The following NRXN1 variants were observed in gnomAD, a reference collection of about 807,000 sequenced individuals.
The protein encoded by NRXN1 is neurexin 1.
In NRXN1, 39 loss-of-function variants were observed where a neutral mutation model predicts 150.9. The observed-to-expected ratio is 0.26, with a 90% CI of 0.20 to 0.34. NRXN1 has a LOEUF of 0.34. Ranked by LOEUF, NRXN1 falls within the 10% of genes least tolerant of loss-of-function variation. The pLI, the probability that NRXN1 is intolerant of heterozygous loss-of-function variation, is 1.00. For missense variants in NRXN1, 1,815 were observed against 1,949.9 expected (o/e 0.93, Z 1.30); for synonymous variants, 924 against 757.0 (o/e 1.22, Z -3.62).
intron 19 of NRXN1, among the ~76,000 whole-genome samples, chr2:50,082,052 A>G (rs1158074910): frequency 6.6e-6 from 1 of 152,196 alleles, no homozygotes; most frequent in Non-Finnish European, 1.5e-5. Context: ...AATACTCTTT[A>G]ATATGTCATT....
At chr2:50,079,549 T>C (rs1457427411) in intron 19 of NRXN1, among the ~76,000 whole-genome samples, 1 of 152,100 alleles carries the variant, frequency 6.6e-6, no homozygotes, top group African/African-American at 2.4e-5. Flanking sequence ...CCAAAATGTA[T>C]TTAATTGTTA....
chr2:50,960,662 G>A (rs987409481), intron 2 of NRXN1, among the ~76,000 whole-genome samples: 2 of 151,824 alleles, frequency 1.3e-5, no homozygotes, highest in South Asian at 2.1e-4. Context: ...CTTCTCAGGC[G>A]TGAACTTGCA....
intron 17 of NRXN1, among the ~76,000 whole-genome samples, chr2:50,450,888 C>T (rs2086895474): frequency 6.6e-6 from 1 of 152,182 alleles, no homozygotes. Context: ...TGAAAAGTTA[C>T]TTTCACTAGC....
chr2:50,748,609 G>A (rs1700254404), intron 5 of NRXN1, among the ~76,000 whole-genome samples: 1 of 151,952 alleles, frequency 6.6e-6, no homozygotes, highest in South Asian at 2.1e-4. Flanking sequence ...GGGCTCCGTG[G>A]GCTTCCTTGG....
chr2:50,176,237 T>C (rs1274713275), intron 18 of NRXN1, among the ~76,000 whole-genome samples: 6 of 152,204 alleles, frequency 3.9e-5, no homozygotes, highest in East Asian at 1.9e-4. Context: ...TCAGCTCTTA[T>C]TGAAATTTTT....
In NRXN1 at chr2:50,982,247, G is replaced by A. The variant is rs369835424; in HGVS notation, c.772+45255C>T. ...AACATTACTTTATAGTGATTCAATT[G>A]TAAGACTTTCTGAAGAACAAATCAA... On this transcript the variant is annotated intron_variant, in intron 2 of 22. Coordinates refer to ENST00000401669, the MANE Select transcript of NRXN1 (RefSeq NM_001330078.2). 5.7e-4 allele frequency among the ~76,000 whole-genome samples: 87 copies of A among 152,196 alleles called. 1 individual carries two copies. Among genetic ancestry groups the A allele is most frequent in the African/African-American group, 1.9e-3 (80 of 41,548 alleles).
At chr2:50,032,911 C>A (rs1449140809) in intron 21 of NRXN1, among the ~76,000 whole-genome samples, 1 of 151,492 alleles carries the variant, frequency 6.6e-6, no homozygotes, top group East Asian at 1.9e-4. Context: ...ACTCAGTCTG[C>A]AGTGTTTTCT....
At chr2:50,362,407 T>C (rs2079280321) in intron 17 of NRXN1, among the ~76,000 whole-genome samples, 1 of 152,196 alleles carries the variant, frequency 6.6e-6, no homozygotes, top group South Asian at 2.1e-4. Context: ...AATCTCAGGA[T>C]ACAAAATCAA....
chr2:50,204,038 A>G (rs559402271), intron 18 of NRXN1, among the ~76,000 whole-genome samples: 7 of 152,162 alleles, frequency 4.6e-5, no homozygotes, highest in Non-Finnish European at 1.0e-4. Flanking sequence ...TACATTATAC[A>G]GTTTTGACTC....
At chr2:50,010,967 G>T (rs376618501) in intron 21 of NRXN1, among the ~76,000 whole-genome samples, 1 of 152,150 alleles carries the variant, frequency 6.6e-6, no homozygotes. Context: ...AAAAGCTCAA[G>T]ATGGTCTCAA....
In NRXN1 at chr2:50,224,693, A is replaced by AAC. The variant is rs2064194164; in HGVS notation, c.3546+12095_3546+12096insGT. On this transcript the variant is annotated intron_variant, in intron 18 of 22. Coordinates refer to ENST00000401669, the MANE Select transcript of NRXN1 (RefSeq NM_001330078.2). The stretch of plus-strand genomic sequence containing the variant: ...GATTAAAGAGAGAGAGAGAGGGAGA[A>AAC]AGAGAGAGAGAGAGAGAGAGAGAGA... 8.4e-5 allele frequency among the ~76,000 whole-genome samples: 11 copies of AAC among 130,506 alleles called. No individual in the cohort carries two copies. The South Asian group carries it at 2.9e-3, about 34-fold the overall frequency. The allele number at this position is 130,506 out of a possible 152,430, so 85.6% of individuals were successfully genotyped here.
chr2:50,896,762 G>A (rs1682023508), intron 5 of NRXN1, among the ~76,000 whole-genome samples: 1 of 151,958 alleles, frequency 6.6e-6, no homozygotes, highest in African/African-American at 2.4e-5. Flanking sequence ...CAGGAGAATC[G>A]CTTGAGCCCG....
At chr2:50,368,233 T>C (rs1362446599) in intron 17 of NRXN1, among the ~76,000 whole-genome samples, 1 of 151,928 alleles carries the variant, frequency 6.6e-6, no homozygotes, top group Non-Finnish European at 1.5e-5. Context: ...TAAATTATGG[T>C]AGAGCTCATG....
chr2:50,719,218 T>A (rs1053357885), intron 5 of NRXN1, among the ~76,000 whole-genome samples: 1 of 151,868 alleles, frequency 6.6e-6, no homozygotes, highest in Non-Finnish European at 1.5e-5. Context: ...TATTTTCTGT[T>A]CATTAAACCT....
Position 51,027,564 on chromosome 2 carries a change from A to G in NRXN1, c.710T>C (p.Val237Ala). Residue 237 changes from valine (V) to alanine (A), a missense_variant, in exon 2 of 23, where the codon GTG (valine) becomes GCG (alanine). Transcript: ENST00000401669. ...GCAGTCGCACACGGCCTGGTCGTCC[A>G]CCACGGAGCACACACCTCCGTTGAG... ...VCLNGGVCSVVDDQAVCDCSR... is the reference protein window; with the variant it reads ...VCLNGGVCSVADDQAVCDCSR... 1 of 1,598,182 alleles carries G rather than the reference A, an allele frequency of 6.3e-7. No homozygotes were observed. The highest frequency in any genetic ancestry group is 1.1e-5 in the South Asian group (1 of 90,314).
intron 5 of NRXN1, among the ~76,000 whole-genome samples, chr2:50,816,413 A>G (rs933102594): frequency 2.0e-5 from 3 of 152,140 alleles, no homozygotes; most frequent in Non-Finnish European, 4.4e-5. Context: ...TTCATCAAGA[A>G]AAAAAGCACC....
intron 17 of NRXN1, among the ~76,000 whole-genome samples, chr2:50,374,011 C>T (rs372216251): frequency 1.3e-5 from 2 of 151,850 alleles, no homozygotes; most frequent in African/African-American, 2.4e-5. Flanking sequence ...TAGAATTGCA[C>T]GATGGAGGCT....
chr2:50,887,591 G>C (rs563558573), intron 5 of NRXN1, among the ~76,000 whole-genome samples: 1 of 151,382 alleles, frequency 6.6e-6, no homozygotes, highest in East Asian at 2.0e-4. Context: ...CTAGTCTTTC[G>C]TTTACTCTTT....
intron 18 of NRXN1, among the ~76,000 whole-genome samples, chr2:50,212,628 G>C (rs910405343): frequency 6.6e-6 from 1 of 151,806 alleles, no homozygotes; most frequent in Non-Finnish European, 1.5e-5. Flanking sequence ...GGTGGTTTGG[G>C]ACATTACAGT....
Sources: allele counts gnomAD v4.1 joint callset (sites outside exome capture counted in the v4.1 genomes callset), GRCh38; gene constraint gnomAD v4.1.1; transcripts MANE v1.5; gene names NCBI Gene and HGNC (gene_info 2026-07-23, HGNC 2026-07-21).